The following SEMA6D variants were observed in gnomAD, a reference collection of about 807,000 sequenced individuals.
The protein encoded by SEMA6D is semaphorin 6D.
In SEMA6D, 35 loss-of-function variants were observed where a neutral mutation model predicts 106.6. The observed-to-expected ratio is 0.33, with a 90% CI of 0.25 to 0.44. The LOEUF is 0.44. Among genes scored for constraint, SEMA6D ranks in the 20% least tolerant of loss-of-function variants. The pLI is 1.00. For synonymous variants in SEMA6D, 499 were observed against 487.7 expected, an observed-to-expected ratio of 1.02 and a Z score of -0.31; for missense variants, 1,185 against 1,345.9, an observed-to-expected ratio of 0.88 and a Z score of 1.87.
intron 1 of SEMA6D, among the ~76,000 whole-genome samples, chr15:47,305,337 G>A (rs536306083): frequency 3.2e-4 from 49 of 152,252 alleles, no homozygotes; most frequent in African/African-American, 9.4e-4. Flanking sequence ...TGGTGATCAC[G>A]AAATGATTAG....
chr15:47,404,108 G>A (rs916137066), intron 1 of SEMA6D, among the ~76,000 whole-genome samples: 2 of 152,128 alleles, frequency 1.3e-5, no homozygotes, highest in Admixed American at 6.5e-5. Flanking sequence ...GTGATGGTAC[G>A]CTACAGAAGT....
chr15:47,408,991 G>T (rs545175747), intron 1 of SEMA6D, among the ~76,000 whole-genome samples: 1 of 152,280 alleles, frequency 6.6e-6, no homozygotes, highest in South Asian at 2.1e-4. Flanking sequence ...ACTGAATGTT[G>T]AACTTTGGAT....
chr15:47,433,009 C>T (rs966098921), intron 2 of SEMA6D, among the ~76,000 whole-genome samples: 2 of 152,008 alleles, frequency 1.3e-5, no homozygotes, highest in Non-Finnish European at 2.9e-5. Context: ...TTATAGGTTA[C>T]TCAAAAATTT....
At chr15:47,443,747 A>C (rs995519236) in intron 2 of SEMA6D, among the ~76,000 whole-genome samples, 1 of 152,170 alleles carries the variant, frequency 6.6e-6, no homozygotes, top group Middle Eastern at 3.2e-3. Flanking sequence ...AGAAATTTTC[A>C]TCAATATACA....
intron 4 of SEMA6D, among the ~76,000 whole-genome samples, chr15:47,658,693 C>T (rs967462479): frequency 6.6e-6 from 1 of 152,148 alleles, no homozygotes; most frequent in Non-Finnish European, 1.5e-5. Flanking sequence ...TCTTACATAG[C>T]AATTGTTCAT....
At chr15:47,587,669 G>A (rs2076366339) in intron 3 of SEMA6D, among the ~76,000 whole-genome samples, 2 of 152,166 alleles carry the variant, frequency 1.3e-5, no homozygotes, top group Admixed American at 1.3e-4. Context: ...CCCTGTGTTT[G>A]TAAGCAGCCA....
chr15:47,770,349 A>G (rs2082563920), intron 18 of SEMA6D, 148 bp from the exon 19 acceptor site: 2 of 586,262 alleles, frequency 3.4e-6, no homozygotes, highest in African/African-American at 3.7e-5. Flanking sequence ...TAAAGACAAA[A>G]TATACAAGGA....
intron 3 of SEMA6D, 109 bp from the exon 4 acceptor site, chr15:47,760,869 C>T: frequency 2.1e-6 from 2 of 967,634 alleles, no homozygotes; most frequent in Non-Finnish European, 1.5e-6. Context: ...AGAGAAAATC[C>T]AGATGATCTC....
At chr15:47,632,707 T>G (rs2144544752) in intron 4 of SEMA6D, among the ~76,000 whole-genome samples, 1 of 152,132 alleles carries the variant, frequency 6.6e-6, no homozygotes, top group South Asian at 2.1e-4. Flanking sequence ...AGTTAAGTCA[T>G]TTTTTTCCTT....
At position 47,332,010 on chromosome 15, in the gene SEMA6D, C is replaced by T. The variant is rs531959021; in HGVS notation, c.-238-80383C>T. On this transcript the variant is annotated intron_variant, in intron 1 of 19. Transcript: ENST00000558014. ...CCTAAAACCATGTACAAGTTTGGCA[C>T]AAAACTCACCTCTCTTTGTCTCTTT... Among the ~76,000 whole-genome samples the T allele has an allele frequency of 3.1e-3, 470 of 152,188 alleles. 1 individual carries two copies. Among genetic ancestry groups the T allele is most frequent in the African/African-American group, 0.011 (453 of 41,522 alleles).
intron 1 of SEMA6D, among the ~76,000 whole-genome samples, chr15:47,200,285 G>GA (rs1322624382): frequency 6.6e-6 from 1 of 152,134 alleles, no homozygotes; most frequent in Non-Finnish European, 1.5e-5. Flanking sequence ...TTGTTGGGAA[G>GA]AAGACCAACT....
chr15:47,255,683 A>C (rs1566954476), intron 1 of SEMA6D, among the ~76,000 whole-genome samples: 1 of 152,166 alleles, frequency 6.6e-6, no homozygotes, highest in African/African-American at 2.4e-5. Flanking sequence ...GATTATTAAA[A>C]ATTTATCAAA....
At chr15:47,625,700 A>T (rs865996654) in intron 4 of SEMA6D, among the ~76,000 whole-genome samples, 4 of 151,138 alleles carry the variant, frequency 2.6e-5, no homozygotes, top group Non-Finnish European at 1.5e-5. Context: ...AAAAATATTA[A>T]TAATAATAAT....
At chr15:47,657,079 A>G (rs189414880) in intron 4 of SEMA6D, among the ~76,000 whole-genome samples, 14 of 152,338 alleles carry the variant, frequency 9.2e-5, no homozygotes, top group South Asian at 2.1e-4. Context: ...GATGTATGCA[A>G]TCTCTGTAGT....
At chr15:47,549,669 A>C (rs1310389645) in intron 3 of SEMA6D, among the ~76,000 whole-genome samples, 2 of 152,142 alleles carry the variant, frequency 1.3e-5, no homozygotes, top group East Asian at 3.9e-4. Flanking sequence ...TGTGCTACCA[A>C]ATATCATAAA....
At chr15:47,212,781 C>T (rs1054595157) in intron 1 of SEMA6D, among the ~76,000 whole-genome samples, 1 of 152,082 alleles carries the variant, frequency 6.6e-6, no homozygotes, top group Non-Finnish European at 1.5e-5. Flanking sequence ...GATATAGAGG[C>T]GTGGAAAGAG....
chr15:47,236,334 G>A (rs1258214113), intron 1 of SEMA6D, among the ~76,000 whole-genome samples: 1 of 152,052 alleles, frequency 6.6e-6, no homozygotes, highest in African/African-American at 2.4e-5. Context: ...CCAGAAGAAA[G>A]AGGATTCATG....
chr15:47,553,721 A>G (rs538398560), intron 3 of SEMA6D, among the ~76,000 whole-genome samples: 1 of 152,152 alleles, frequency 6.6e-6, no homozygotes, highest in African/African-American at 2.4e-5. Flanking sequence ...TAAGCAGGGC[A>G]TTTCAGTGTT....
At chr15:47,686,062 G>T (rs1348035963) in intron 4 of SEMA6D, among the ~76,000 whole-genome samples, 1 of 152,130 alleles carries the variant, frequency 6.6e-6, no homozygotes, top group Non-Finnish European at 1.5e-5. Flanking sequence ...GGAAAAAAAT[G>T]AGTAGTACTC....
Sources: gnomAD v4.1 joint callset for allele counts (sites outside exome capture counted in the v4.1 genomes callset) on GRCh38, gnomAD v4.1.1 for gene constraint, MANE v1.5 for transcripts, NCBI Gene and HGNC (gene_info 2026-07-23, HGNC 2026-07-21) for gene names.